The following FAM167A variants were observed in gnomAD, a reference collection of about 807,000 sequenced individuals.
FAM167A encodes the protein family with sequence similarity 167 member A.
FAM167A carries 23 observed loss-of-function variants against 14.9 expected under a neutral mutation model. That is an observed-to-expected ratio of 1.55 (90% CI 1.11 to 2.19). FAM167A has a LOEUF of 2.19. Ranked by LOEUF, FAM167A falls within the 30% of genes most tolerant of loss-of-function variation. The pLI is 0.00. For missense variants in FAM167A, 401 were observed against 281.5 expected, an observed-to-expected ratio of 1.42 and a Z score of -3.04; for synonymous variants, 174 against 117.7, an observed-to-expected ratio of 1.48 and a Z score of -3.10.
intron 1 of FAM167A, among the ~76,000 whole-genome samples, chr8:11,456,985 T>G (rs1807345563): frequency 3.3e-5 from 1 of 30,318 alleles, no homozygotes. Flanking sequence ...GTTAGGGATG[T>G]AGGTGGGGCT....
In FAM167A at chr8:11,424,414, T is replaced by A; in HGVS notation, c.604A>T (p.Thr202Ser). 1.2e-6 allele frequency: 2 copies of A among 1,613,752 alleles called. No homozygotes were observed. Among genetic ancestry groups the A allele is most frequent in the Non-Finnish European group, 8.5e-7 (1 of 1,179,934 alleles). ...LSTPLKLIGV[T>S]KMNINSRRFS... ...CTCCGAGAGTTGATGTTCATCTTGG[T>A]CACGCCAATAAGCTTGAGTGGTGTG... The change falls in exon 3 of 3, where the codon ACC becomes TCC. Residue 202 changes from threonine (T) to serine (S), a missense_variant. Transcript: ENST00000284486.
chr8:11,472,920 G>GGT (rs1299198780), intron 1 of FAM167A, among the ~76,000 whole-genome samples: 1 of 152,206 alleles, frequency 6.6e-6, no homozygotes, highest in African/African-American at 2.4e-5. Context: ...GTCAATTAGT[G>GGT]GTGTCTGGCA....
chr8:11,426,640 T>G (rs1235586616), intron 2 of FAM167A, among the ~76,000 whole-genome samples: 1 of 152,104 alleles, frequency 6.6e-6, no homozygotes, highest in African/African-American at 2.4e-5. Context: ...GCCTTAATAT[T>G]TAAAGGGGAA....
chr8:11,439,983 C>T (rs1456015861), intron 2 of FAM167A, among the ~76,000 whole-genome samples: 1 of 152,146 alleles, frequency 6.6e-6, no homozygotes, highest in African/African-American at 2.4e-5. Context: ...GAGAATCCCA[C>T]AGCTCCAGAT....
chr8:11,450,998 T>G (rs1807000027), intron 1 of FAM167A, among the ~76,000 whole-genome samples: 1 of 152,246 alleles, frequency 6.6e-6, no homozygotes, highest in Non-Finnish European at 1.5e-5. Flanking sequence ...AGACCTAGCT[T>G]GAGGGCCTCC....
At position 11,447,184 on chromosome 8, in the gene FAM167A, T is replaced by TTTTC. The variant is rs762310938; in HGVS notation, c.-397-2377_-397-2376insGAAA. Reference sequence around the variant, plus strand: ...TTATTTCAATTATTGGTTTCTTTTCTTTTTCTTTTTTTTGAGACGGAGTTT... The same window carrying TTTTC: ...TTATTTCAATTATTGGTTTCTTTTCTTTTCTTTTCTTTTTTTTGAGACGGAGTTT... On this transcript the variant is annotated intron_variant, in intron 1 of 2. Transcript: ENST00000284486. Among the ~76,000 whole-genome samples the TTTTC allele has an allele frequency of 7.1e-3, 290 of 41,120 alleles. 5 individuals are homozygous for TTTTC. The highest frequency in any genetic ancestry group is 0.034 in the Middle Eastern group (4 of 116). The allele number at this position is 41,120 out of a possible 152,430, so 27.0% of individuals were successfully genotyped here.
upstream of FAM167A, among the ~76,000 whole-genome samples, chr8:11,472,079 T>A (rs1807977256): frequency 1.3e-5 from 2 of 152,264 alleles, no homozygotes; most frequent in Admixed American, 1.3e-4. Context: ...ACTTGATTTA[T>A]AACTTTCAAA....
chr8:11,442,770 G>A (rs910011422), intron 2 of FAM167A, among the ~76,000 whole-genome samples: 5 of 151,820 alleles, frequency 3.3e-5, no homozygotes, highest in South Asian at 4.2e-4. Flanking sequence ...CATCTTCTCC[G>A]AAGCCGACAG....
upstream of FAM167A, among the ~76,000 whole-genome samples, chr8:11,468,829 A>C (rs979571929): frequency 1.3e-5 from 2 of 152,236 alleles, no homozygotes; most frequent in Non-Finnish European, 2.9e-5. Context: ...ATGGACAGGC[A>C]GCCTGTCCAA....
chr8:11,425,290 C>T (rs1169932700), intron 2 of FAM167A, among the ~76,000 whole-genome samples: 1 of 152,106 alleles, frequency 6.6e-6, no homozygotes, highest in East Asian at 1.9e-4. Flanking sequence ...CCATCATCAC[C>T]CACAGCTTAT....
At chr8:11,442,791 C>G (rs892487270) in intron 2 of FAM167A, among the ~76,000 whole-genome samples, 1 of 152,032 alleles carries the variant, frequency 6.6e-6, no homozygotes, top group African/African-American at 2.4e-5. Context: ...CACATGCACC[C>G]TCTCGTTACT....
chr8:11,450,434 C>T (rs981369284), intron 1 of FAM167A, among the ~76,000 whole-genome samples: 2 of 152,230 alleles, frequency 1.3e-5, no homozygotes, highest in Admixed American at 1.3e-4. Flanking sequence ...GATGAAGAGA[C>T]TGAGGCATAG....
intron 2 of FAM167A, chr8:11,438,522 G>C (rs1368711953): frequency 6.6e-6 from 3 of 456,916 alleles, no homozygotes; most frequent in Non-Finnish European, 4.4e-6. Context: ...TAGCACTTTT[G>C]CTTCTTTGGT....
chr8:11,462,138 A>G (rs1199820343), intron 1 of FAM167A, among the ~76,000 whole-genome samples: 1 of 152,244 alleles, frequency 6.6e-6, no homozygotes, highest in East Asian at 1.9e-4. Flanking sequence ...CTGCCGTGTC[A>G]GCTTGCGCTG....
intron 1 of FAM167A, among the ~76,000 whole-genome samples, chr8:11,466,103 C>A (rs1284587484): frequency 6.6e-6 from 1 of 152,080 alleles, no homozygotes; most frequent in African/African-American, 2.4e-5. Context: ...GGGGCCCCTG[C>A]GGCTGTGCCG....
At chr8:11,463,555 A>G (rs73533635) in intron 1 of FAM167A, among the ~76,000 whole-genome samples, 5,427 of 152,306 alleles carry the variant, frequency 0.036, 312 homozygotes, top group African/African-American at 0.12. Context: ...TAGCCAGTGC[A>G]CAAGTCACTG....
At chr8:11,431,783 G>T (rs147625372) in intron 2 of FAM167A, among the ~76,000 whole-genome samples, 29 of 150,386 alleles carry the variant, frequency 1.9e-4, no homozygotes, top group African/African-American at 5.9e-4. Flanking sequence ...TCTAGCCTGA[G>T]TGACACTGGA....
At chr8:11,467,267 T>G (rs1807812673), upstream of FAM167A, among the ~76,000 whole-genome samples, 1 of 152,218 alleles carries the variant, frequency 6.6e-6, no homozygotes, top group African/African-American at 2.4e-5. Context: ...GACGCGAGCG[T>G]TTGCCCCACT....
chr8:11,449,375 G>T (rs781203405), intron 1 of FAM167A, among the ~76,000 whole-genome samples: 1 of 152,240 alleles, frequency 6.6e-6, no homozygotes, highest in Non-Finnish European at 1.5e-5. Flanking sequence ...GGGTGCCGGG[G>T]AACAGATGCC....
Sources: gnomAD v4.1 joint callset for allele counts (sites outside exome capture counted in the v4.1 genomes callset) on GRCh38, gnomAD v4.1.1 for gene constraint, MANE v1.5 for transcripts, NCBI Gene and HGNC (gene_info 2026-07-23, HGNC 2026-07-21) for gene names.